The following ZC3H12B variants were observed in gnomAD, a reference collection of about 807,000 sequenced individuals.
ZC3H12B encodes probable ribonuclease ZC3H12B.
Under a neutral mutation model 43.9 loss-of-function variants are expected in ZC3H12B, and 7 were observed. The observed-to-expected ratio is 0.16, with a 90% CI of 0.09 to 0.30. The LOEUF (loss-of-function observed/expected upper bound fraction) is 0.30. Ranked by LOEUF, ZC3H12B falls within the 10% of genes least tolerant of loss-of-function variation. The pLI, the probability that ZC3H12B is intolerant of heterozygous loss-of-function variation, is 1.00. For missense variants in ZC3H12B, 475 were observed against 670.2 expected, an observed-to-expected ratio of 0.71 and a Z score of 3.22; for synonymous variants, 222 against 241.7, an observed-to-expected ratio of 0.92 and a Z score of 0.76.
At chrX:65,388,920 T>C (rs2066570259) in intron 2 of ZC3H12B, among the ~76,000 whole-genome samples, 1 of 111,969 alleles carries the variant, frequency 8.9e-6, no homozygotes, top group African/African-American at 3.2e-5. Context: ...TCCTGTTTCC[T>C]GGGTATCAGC....
the ZC3H12B span, among the ~76,000 whole-genome samples, chrX:65,135,699 TA>T: frequency 1.9e-5 from 2 of 102,937 alleles, no homozygotes; most frequent in African/African-American, 4.0e-5. Flanking sequence ...GTTGGTTAGA[TA>T]TTTTTTTTTT....
At chrX:65,042,865 T>A in the ZC3H12B span, among the ~76,000 whole-genome samples, 1 of 112,042 alleles carries the variant, frequency 8.9e-6, no homozygotes, top group African/African-American at 3.2e-5. Context: ...GGAATTTTCC[T>A]CCCTCTTTCT....
chrX:65,152,051 T>C, the ZC3H12B span, among the ~76,000 whole-genome samples: 7 of 111,906 alleles, frequency 6.3e-5, no homozygotes, highest in Admixed American at 1.9e-4. Context: ...CTAAAAACTC[T>C]CAATAAATTA....
At chrX:65,279,374 G>T in the ZC3H12B span, among the ~76,000 whole-genome samples, 1 of 98,889 alleles carries the variant, frequency 1.0e-5, no homozygotes. Context: ...GGTTTGATTT[G>T]CATTTCTCTC....
the ZC3H12B span, among the ~76,000 whole-genome samples, chrX:65,248,288 C>A: frequency 9.0e-6 from 1 of 111,050 alleles, no homozygotes; most frequent in Non-Finnish European, 1.9e-5. Context: ...CCTTAGCCTC[C>A]CAAAGTGCTG....
chrX:65,243,129 C>G, the ZC3H12B span, among the ~76,000 whole-genome samples: 1 of 111,781 alleles, frequency 8.9e-6, no homozygotes, highest in African/African-American at 3.2e-5. Flanking sequence ...ACAATTGGTA[C>G]CACATCAAGG....
intron 3 of ZC3H12B, among the ~76,000 whole-genome samples, chrX:65,410,079 A>T (rs1435451476): frequency 9.4e-6 from 1 of 106,110 alleles, no homozygotes; most frequent in Non-Finnish European, 1.9e-5. Flanking sequence ...TATAGTAATC[A>T]AATCAGCATG....
intron 3 of ZC3H12B, chrX:65,408,760 G>A (rs974204058): frequency 2.5e-5 from 12 of 484,313 alleles, no homozygotes; most frequent in Admixed American, 1.6e-4. Flanking sequence ...TATACAGAAA[G>A]CAAACAATGA....
At chrX:65,281,918 AATG>A in the ZC3H12B span, among the ~76,000 whole-genome samples, 1 of 112,053 alleles carries the variant, frequency 8.9e-6, no homozygotes, top group Non-Finnish European at 1.9e-5. Flanking sequence ...TCAACAATCA[AATG>A]ATATTTATCC....
At chrX:65,090,386 T>G in the ZC3H12B span, among the ~76,000 whole-genome samples, 1 of 112,319 alleles carries the variant, frequency 8.9e-6, no homozygotes, top group Non-Finnish European at 1.9e-5. Flanking sequence ...TTCTGCACCC[T>G]CTACTTCTTT....
the ZC3H12B span, among the ~76,000 whole-genome samples, chrX:65,174,141 A>T: frequency 9.0e-6 from 1 of 111,060 alleles, no homozygotes; most frequent in Non-Finnish European, 1.9e-5. Context: ...CACCAGCCTA[A>T]TGCCAACCAG....
chrX:65,064,687 G>C, the ZC3H12B span, among the ~76,000 whole-genome samples: 1 of 111,415 alleles, frequency 9.0e-6, no homozygotes, highest in South Asian at 3.8e-4. Context: ...GTTCAAGTCC[G>C]AAATCTCCTT....
chrX:65,233,700 G>C, the ZC3H12B span, among the ~76,000 whole-genome samples: 645 of 110,064 alleles, frequency 5.9e-3, 4 homozygotes, highest in Middle Eastern at 0.014. Flanking sequence ...AGAAAAAGGA[G>C]AGCAAAGCAA....
At chrX:65,375,546 G>C (rs2066334915) in intron 2 of ZC3H12B, among the ~76,000 whole-genome samples, 1 of 111,998 alleles carries the variant, frequency 8.9e-6, no homozygotes, top group Non-Finnish European at 1.9e-5. Flanking sequence ...TCTTCCACTT[G>C]TGGAAATGAG....
At chrX:65,137,855 G>A in the ZC3H12B span, among the ~76,000 whole-genome samples, 4 of 112,523 alleles carry the variant, frequency 3.6e-5, no homozygotes, top group African/African-American at 1.3e-4. Flanking sequence ...TTGAGACGGA[G>A]TCTCGCTCTA....
intron 3 of ZC3H12B, among the ~76,000 whole-genome samples, chrX:65,414,455 T>A (rs189701394): frequency 9.0e-6 from 1 of 111,651 alleles, no homozygotes; most frequent in Non-Finnish European, 1.9e-5. Context: ...ATTTTTTGTC[T>A]AATTTTTCTG....
the ZC3H12B span, among the ~76,000 whole-genome samples, chrX:65,229,406 C>T: frequency 9.3e-6 from 1 of 107,511 alleles, no homozygotes; most frequent in Non-Finnish European, 1.9e-5. Flanking sequence ...AAGACTTAAA[C>T]GTTAGACCTA....
chrX:65,471,778 A>G (rs2067917669), intron 3 of ZC3H12B, among the ~76,000 whole-genome samples: 1 of 111,377 alleles, frequency 9.0e-6, no homozygotes, highest in Admixed American at 9.6e-5. Context: ...ACATTTTGCC[A>G]ATCTGTATCT....
the ZC3H12B span, among the ~76,000 whole-genome samples, chrX:65,144,720 C>T: frequency 2.7e-5 from 3 of 111,370 alleles, no homozygotes; most frequent in Non-Finnish European, 3.8e-5. Context: ...ATCTTGATTT[C>T]ATTTTTGACC....
Sources: allele counts gnomAD v4.1 joint callset (sites outside exome capture counted in the v4.1 genomes callset), GRCh38; gene constraint gnomAD v4.1.1; transcripts MANE v1.5; gene names NCBI Gene and HGNC (gene_info 2026-07-23, HGNC 2026-07-21).